The following ZZEF1 variants were observed in gnomAD, a reference collection of about 807,000 sequenced individuals.
The protein encoded by ZZEF1 is zinc finger ZZ-type and EF-hand domain-containing protein 1.
Under a neutral mutation model 342.8 loss-of-function variants are expected in ZZEF1, and 157 were observed. The observed-to-expected ratio is 0.46, with a 90% CI of 0.40 to 0.52. The LOEUF (loss-of-function observed/expected upper bound fraction) is 0.52. ZZEF1 is among the 20% of genes least tolerant of loss of function. ZZEF1 has a pLI of 0.00. For missense variants in ZZEF1, 3,480 were observed against 3,725.6 expected (o/e 0.93, Z 1.72); for synonymous variants, 1,505 against 1,429.1 (o/e 1.05, Z -1.20).
chr17:4,101,466 C>G (rs114909935), intron 9 of ZZEF1, among the ~76,000 whole-genome samples: 3 of 152,018 alleles, frequency 2.0e-5, no homozygotes, highest in African/African-American at 4.8e-5. Context: ...GCCAACAAGA[C>G]GAATGAGAGA....
At chr17:4,080,116 G>C (rs918534557) in intron 18 of ZZEF1, among the ~76,000 whole-genome samples, 8 of 152,104 alleles carry the variant, frequency 5.3e-5, no homozygotes, top group African/African-American at 1.9e-4. Context: ...TAGAGATCTT[G>C]AATCAGTAGC....
At chr17:4,127,607 C>A (rs1032998497) in intron 1 of ZZEF1, among the ~76,000 whole-genome samples, 3 of 152,146 alleles carry the variant, frequency 2.0e-5, no homozygotes, top group Non-Finnish European at 4.4e-5. Context: ...GCCAGATCCC[C>A]CTTCCCAATC....
chr17:4,090,826 C>T lies in ZZEF1; in HGVS notation c.1918G>A (p.Gly640Ser), dbSNP rs1198834523. 1 of 1,612,850 alleles carries T rather than the reference C, an allele frequency of 6.2e-7. No individual in the cohort carries two copies. Among genetic ancestry groups the T allele is most frequent in the Non-Finnish European group, 8.5e-7 (1 of 1,179,004 alleles). The change falls in exon 12 of 55, where the codon GGT becomes AGT. Residue 640 changes from glycine to serine, a missense_variant. This residue lies in a region of ZZEF1 where 1,528 missense variants were observed against 1,624.1 expected (regional missense o/e 0.94). Transcript: ENST00000381638. ...ELRQFVKSRI[G>S]CSSDDLGEDD... The stretch of plus-strand genomic sequence containing the variant: ...TCTCCAAGGTCATCAGATGAGCAAC[C>T]AATCCTGTAAAGACAAGAGTATTCA...
chr17:4,087,487 G>A lies in ZZEF1; in HGVS notation c.2289C>T (p.Phe763=), dbSNP rs776888929. 4.3e-6 allele frequency: 7 copies of A among 1,611,064 alleles called. No homozygotes were observed. The highest frequency in any genetic ancestry group is 2.2e-5 in the East Asian group (1 of 44,786). The part of the protein sequence containing the change: ...SGLKYKSFLD[F]AGLDLQIFWN... ...AGAAGATCTGCAAATCAAGACCCGC[G>A]AAGTCCAGAAAAGATTTATATTTTA... The change falls in exon 14 of 55, where the codon TTC becomes TTT. Residue 763 remains phenylalanine, a synonymous_variant. Transcript: ENST00000381638.
chr17:4,079,256 G>A (rs1356122938), intron 18 of ZZEF1, among the ~76,000 whole-genome samples: 1 of 152,194 alleles, frequency 6.6e-6, no homozygotes, highest in Non-Finnish European at 1.5e-5. Context: ...CGACTCCTAT[G>A]AGAACCAGGT....
At chr17:4,077,609 A>C (rs2057647838) in intron 19 of ZZEF1, among the ~76,000 whole-genome samples, 1 of 152,244 alleles carries the variant, frequency 6.6e-6, no homozygotes, top group African/African-American at 2.4e-5. Flanking sequence ...ATCACGTAAG[A>C]GTGCTATATG....
intron 24 of ZZEF1, 155 bp from the exon 25 acceptor site, chr17:4,072,911 A>G: frequency 1.4e-6 from 1 of 713,416 alleles, no homozygotes; most frequent in South Asian, 2.3e-5. Flanking sequence ...GATACTTTGT[A>G]AACACATACC....
intron 20 of ZZEF1, 50 bp downstream of exon 20, chr17:4,076,818 A>AC: frequency 6.2e-7 from 1 of 1,610,796 alleles, no homozygotes; most frequent in South Asian, 1.1e-5. Flanking sequence ...GGGGATGCAG[A>AC]CCCCCAACCC....
chr17:4,017,668 G>C lies in ZZEF1; in HGVS notation c.7704C>G (p.Ile2568Met), dbSNP rs147250337. ...AESNPVTQKLISSTESELQQS... is the reference protein window; with the variant it reads ...AESNPVTQKLMSSTESELQQS... ...GCTGCAGTTCGCTCTCTGTGCTGGA[G>C]ATCAGCTTCTGGGTCACAGGGTTCG... The change falls in exon 48 of 55, where the codon ATC (isoleucine) becomes ATG (methionine). Residue 2568 changes from isoleucine to methionine, a missense_variant. Around this residue, in one of 5 missense-constraint regions of ZZEF1, gnomAD observed 1,269 missense variants for 1,342.4 expected, o/e 0.95. Coordinates refer to ENST00000381638, the MANE Select transcript of ZZEF1 (RefSeq NM_015113.4). This position sits in a 1 kb window ranked among gnomAD's most constrained non-coding sequence, Gnocchi z 5.1. 19 of 1,613,984 alleles carry C rather than the reference G, an allele frequency of 1.2e-5. No individual in the cohort carries two copies. In the Middle Eastern group the frequency reaches 1.2e-3, roughly 98 times the overall value.
chr17:4,113,256 G>C (rs538367553), intron 4 of ZZEF1, among the ~76,000 whole-genome samples: 2 of 152,114 alleles, frequency 1.3e-5, no homozygotes, highest in African/African-American at 4.8e-5. Context: ...TGAGGGGAGA[G>C]GTGAAAATTT....
chr17:4,140,486 G>GT (rs2058825895), intron 1 of ZZEF1, among the ~76,000 whole-genome samples: 1 of 152,036 alleles, frequency 6.6e-6, no homozygotes, highest in Non-Finnish European at 1.5e-5. Context: ...ATAATTAATG[G>GT]GTTAATACCT....
chr17:4,016,024 G>A lies in ZZEF1; in HGVS notation c.8145+299C>T, dbSNP rs2056090736. On this transcript the variant is annotated intron_variant, in intron 49 of 54. Transcript: ENST00000381638. This position sits in a 1 kb window ranked among gnomAD's most constrained non-coding sequence, Gnocchi z 4.4. The stretch of plus-strand genomic sequence containing the variant: ...ACTCACTGTCTCACTGTGAAGCCAA[G>A]GACTCACTCTGAGGAGCCTGCCGCA... Among the ~76,000 whole-genome samples the A allele has an allele frequency of 6.6e-6, 1 of 152,214 alleles. No individual in the cohort carries two copies. The highest frequency in any genetic ancestry group is 1.5e-5 in the Non-Finnish European group (1 of 68,028).
At chr17:4,109,502 G>C (rs2058262943) in intron 6 of ZZEF1, 151 bp downstream of exon 6, 1 of 717,514 alleles carries the variant, frequency 1.4e-6, no homozygotes, top group Non-Finnish European at 2.4e-6. Context: ...GTGGAGCTGA[G>C]TGGCACGAAC....
rs762985179 is a variant in ZZEF1, at chr17:4,074,110, C to G, written c.3685+40G>C. ...GGCAAGCGCGCATCTTGCACTTCACCGTGGTTGTAAGAAGGGAAAGCACAG... is the reference window on the plus strand; with the variant it reads ...GGCAAGCGCGCATCTTGCACTTCACGGTGGTTGTAAGAAGGGAAAGCACAG... On this transcript the variant is annotated intron_variant, in intron 24 of 54. Coordinates refer to ENST00000381638, the MANE Select transcript of ZZEF1 (RefSeq NM_015113.4). 2.5e-6 allele frequency: 4 copies of G among 1,606,040 alleles called. No homozygotes were observed. In the Admixed American group the frequency reaches 6.7e-5, roughly 27 times the overall value.
At chr17:4,043,521 C>T (rs535139081) in intron 38 of ZZEF1, among the ~76,000 whole-genome samples, 1 of 152,306 alleles carries the variant, frequency 6.6e-6, no homozygotes, top group South Asian at 2.1e-4. Flanking sequence ...AAGGAGGAGG[C>T]TGGGACTTGC....
At chr17:4,028,620 T>A (rs182458608) in intron 42 of ZZEF1, among the ~76,000 whole-genome samples, 1 of 151,120 alleles carries the variant, frequency 6.6e-6, no homozygotes, top group African/African-American at 2.4e-5. Context: ...TCTAAACACA[T>A]CAATTAAAAG....
chr17:4,056,188 T>C (rs1227398362), intron 33 of ZZEF1, 28 bp downstream of exon 33: 2 of 1,534,516 alleles, frequency 1.3e-6, no homozygotes, highest in East Asian at 2.4e-5. Context: ...GCAAATCACT[T>C]CAGAGTACTC....
intron 39 of ZZEF1, among the ~76,000 whole-genome samples, 172 bp from the exon 40 acceptor site, chr17:4,034,464 C>T (rs1419414994): frequency 6.6e-6 from 1 of 152,146 alleles, no homozygotes; most frequent in Non-Finnish European, 1.5e-5. Flanking sequence ...ACATCCTCAG[C>T]TCTCATCTTA....
At chr17:4,025,212 G>T in intron 42 of ZZEF1, 94 bp from the exon 43 acceptor site, 1 of 1,196,290 alleles carries the variant, frequency 8.4e-7, no homozygotes, top group Non-Finnish European at 1.2e-6. Context: ...CCTTACTAAA[G>T]TAGGGACTGC....
Sources: gnomAD v4.1 joint callset for allele counts (sites outside exome capture counted in the v4.1 genomes callset) on GRCh38, gnomAD v4.1.1 for gene constraint, gnomAD v4.1.1 regional missense constraint, Gnocchi (gnomAD v3.1) non-coding constraint, MANE v1.5 for transcripts, NCBI Gene and HGNC (gene_info 2026-07-23, HGNC 2026-07-21) for gene names.